Variants in LDB2 observed in about 807,000 individuals in gnomAD.
The protein encoded by LDB2 is LIM domain-binding protein 2.
A neutral mutation model predicts 44.3 loss-of-function variants in LDB2; 12 were observed. The ratio of observed to expected loss-of-function variants is 0.27; its 90% CI spans 0.17 to 0.44. The LOEUF is 0.44. Ranked by LOEUF, LDB2 falls within the 20% of genes least tolerant of loss-of-function variation. LDB2 has a pLI of 1.00. For missense variants in LDB2, 344 were observed against 473.5 expected (o/e 0.73, Z 2.54); for synonymous variants, 164 against 174.8 (o/e 0.94, Z 0.49).
At chr4:16,560,423 A>T (rs963658285) in intron 5 of LDB2, among the ~76,000 whole-genome samples, 5 of 152,224 alleles carry the variant, frequency 3.3e-5, no homozygotes, top group Admixed American at 3.3e-4. Context: ...CTACCATCAG[A>T]GAATAGTACA....
In LDB2 at chr4:16,582,041, G is replaced by A. The variant is rs941636779; in HGVS notation, c.615+3881C>T. 7.2e-6 allele frequency among the ~76,000 whole-genome samples: 1 copy of A among 138,886 alleles called. No individual in the cohort carries two copies. The highest frequency in any genetic ancestry group is 2.5e-5 in the African/African-American group (1 of 39,452). The allele number at this position is 138,886 out of a possible 152,430, so 91.1% of individuals were successfully genotyped here. ...AGGAAGGAAGGAAGGAAGGAAGGAA[G>A]GAAGGAAGGAAAAGAAAGTAAGTCC... On this transcript the variant is annotated intron_variant, in intron 5 of 7. Transcript: ENST00000304523. This position sits in a 1 kb window ranked among gnomAD's most constrained non-coding sequence, Gnocchi z 4.8.
At chr4:16,595,557 C>T in intron 3 of LDB2, 146 bp downstream of exon 3, 1 of 667,802 alleles carries the variant, frequency 1.5e-6, no homozygotes, top group African/African-American at 1.8e-5. Context: ...CAAGCCATGT[C>T]ACAAACAAGA....
At chr4:16,798,343 T>C (rs1777134041) in intron 1 of LDB2, among the ~76,000 whole-genome samples, 1 of 152,110 alleles carries the variant, frequency 6.6e-6, no homozygotes, top group Non-Finnish European at 1.5e-5. Flanking sequence ...ACTGGATAAC[T>C]ATGGGATCAA....
At chr4:16,818,121 G>A (rs1781282502) in intron 1 of LDB2, among the ~76,000 whole-genome samples, 1 of 152,090 alleles carries the variant, frequency 6.6e-6, no homozygotes, top group Non-Finnish European at 1.5e-5. Flanking sequence ...CACATGCCTG[G>A]CCCCTCAAAG....
At chr4:16,535,851 T>C (rs1396951930) in intron 5 of LDB2, among the ~76,000 whole-genome samples, 2 of 152,212 alleles carry the variant, frequency 1.3e-5, no homozygotes, top group African/African-American at 4.8e-5. Flanking sequence ...TAGATGCTTT[T>C]TCTATGGTCC....
intron 2 of LDB2, among the ~76,000 whole-genome samples, chr4:16,730,876 C>T (rs1433265233): frequency 6.6e-6 from 1 of 152,198 alleles, no homozygotes; most frequent in African/African-American, 2.4e-5. Flanking sequence ...CTAACACATA[C>T]AACAATCCTG....
chr4:16,660,387 G>C (rs1741233199), intron 2 of LDB2, among the ~76,000 whole-genome samples: 2 of 152,112 alleles, frequency 1.3e-5, no homozygotes. Context: ...AGGGTAAAGA[G>C]GATGGTGATA....
At chr4:16,526,093 TG>T (rs570766714) in intron 5 of LDB2, among the ~76,000 whole-genome samples, 97 of 152,310 alleles carry the variant, frequency 6.4e-4, no homozygotes, top group Middle Eastern at 3.4e-3. Context: ...GTGGTATTTC[TG>T]GGTATGTCCG....
chr4:16,871,541 C>T (rs1268037408), intron 1 of LDB2, among the ~76,000 whole-genome samples: 1 of 151,864 alleles, frequency 6.6e-6, no homozygotes, highest in Non-Finnish European at 1.5e-5. Flanking sequence ...TTCAAATATT[C>T]ATCTCTGTTG....
intron 5 of LDB2, among the ~76,000 whole-genome samples, chr4:16,537,088 T>C (rs1026910956): frequency 6.6e-6 from 1 of 152,206 alleles, no homozygotes; most frequent in African/African-American, 2.4e-5. Flanking sequence ...AGTGTCTAGG[T>C]TTCTTTTGTG....
In LDB2 at chr4:16,584,383, G is replaced by C. The variant is rs146470101; in HGVS notation, c.615+1539C>G. Among the ~76,000 whole-genome samples the C allele has an allele frequency of 2.2e-3, 335 of 152,344 alleles. 1 individual carries two copies. The highest frequency in any genetic ancestry group is 7.5e-3 in the African/African-American group (312 of 41,576). Reference sequence around the variant, plus strand: ...CAGTCTCCCGTGCTCACTAGCAAGAGAGCAGCATTCTGCAGTGAAGCGCAT... The same window carrying C: ...CAGTCTCCCGTGCTCACTAGCAAGACAGCAGCATTCTGCAGTGAAGCGCAT... On this transcript the variant is annotated intron_variant, in intron 5 of 7. Coordinates refer to ENST00000304523, the MANE Select transcript of LDB2 (RefSeq NM_001290.5).
At chr4:16,545,982 G>A (rs1328815893) in intron 5 of LDB2, among the ~76,000 whole-genome samples, 2 of 152,172 alleles carry the variant, frequency 1.3e-5, no homozygotes, top group Non-Finnish European at 2.9e-5. Flanking sequence ...TTGCAACAGG[G>A]TAAGTCTAAC....
rs368284089 is a variant in LDB2 at position 16,555,034 on chromosome 4, G to A, written c.615+30888C>T. Among the ~76,000 whole-genome samples the A allele has an allele frequency of 1.8e-3, 270 of 152,116 alleles. 1 individual carries two copies. Among genetic ancestry groups the A allele is most frequent in the African/African-American group, 6.1e-3 (253 of 41,504 alleles). The stretch of plus-strand genomic sequence containing the variant: ...ATGTGATGCAGCCAGTGCTATATGA[G>A]AAATCTCTGTACCTGCACAATTTTG... On this transcript the variant is annotated intron_variant, in intron 5 of 7. Coordinates refer to ENST00000304523, the MANE Select transcript of LDB2 (RefSeq NM_001290.5).
intron 5 of LDB2, among the ~76,000 whole-genome samples, chr4:16,528,773 A>G (rs1267105490): frequency 6.6e-6 from 1 of 152,224 alleles, no homozygotes; most frequent in Non-Finnish European, 1.5e-5. Context: ...TTGTGAGCCA[A>G]TCGTAAGGGA....
chr4:16,532,761 C>T (rs562014412), intron 5 of LDB2, among the ~76,000 whole-genome samples: 1 of 152,288 alleles, frequency 6.6e-6, no homozygotes, highest in Non-Finnish European at 1.5e-5. Flanking sequence ...TCCCCAAACC[C>T]AATGCTGCAG....
At chr4:16,710,706 G>T (rs956347740) in intron 2 of LDB2, among the ~76,000 whole-genome samples, 1 of 152,148 alleles carries the variant, frequency 6.6e-6, no homozygotes, top group African/African-American at 2.4e-5. Context: ...TTTCACAGGG[G>T]CATCCAACTC....
At chr4:16,713,607 A>G (rs74703389) in intron 2 of LDB2, among the ~76,000 whole-genome samples, 2,920 of 152,218 alleles carry the variant, frequency 0.019, 39 homozygotes, top group Non-Finnish European at 0.028. Context: ...AAGCTTTATT[A>G]GGTTGGGATA....
intron 2 of LDB2, among the ~76,000 whole-genome samples, chr4:16,737,422 A>T (rs1762113535): frequency 6.6e-6 from 1 of 152,158 alleles, no homozygotes; most frequent in Non-Finnish European, 1.5e-5. Context: ...TTTTATTTTA[A>T]TTTAGCATTT....
rs146749293 is a variant in LDB2, at chr4:16,848,788, C to T, written c.132+49566G>A. On this transcript the variant is annotated intron_variant, in intron 1 of 7. Coordinates refer to ENST00000304523, the MANE Select transcript of LDB2 (RefSeq NM_001290.5). Reference sequence around the variant, plus strand: ...TATCTGATATATCAGCAAACAACATCGCAAATCCATCCACTTTTCCCCATC... The same window carrying T: ...TATCTGATATATCAGCAAACAACATTGCAAATCCATCCACTTTTCCCCATC... 1.5e-3 allele frequency among the ~76,000 whole-genome samples: 223 copies of T among 152,204 alleles called. 1 individual carries two copies. Among genetic ancestry groups the T allele is most frequent in the Middle Eastern group, 0.014 (4 of 294 alleles).
Sources: gnomAD v4.1 joint callset for allele counts (sites outside exome capture counted in the v4.1 genomes callset) on GRCh38, gnomAD v4.1.1 for gene constraint, Gnocchi (gnomAD v3.1) non-coding constraint, MANE v1.5 for transcripts, NCBI Gene and HGNC (gene_info 2026-07-23, HGNC 2026-07-21) for gene names.